The following AASDHPPT variants were observed in gnomAD, a reference collection of about 807,000 sequenced individuals.
AASDHPPT encodes aminoadipate-semialdehyde dehydrogenase-phosphopantetheinyl transferase, also known as L-aminoadipate-semialdehyde dehydrogenase-phosphopantetheinyl transferase.
In AASDHPPT, 23 loss-of-function variants were observed where a neutral mutation model predicts 36.4. That is an observed-to-expected ratio of 0.63 (90% CI 0.45 to 0.89). AASDHPPT has a LOEUF of 0.89. Among genes scored for constraint, AASDHPPT ranks in the 40% least tolerant of loss-of-function variants. The pLI, the probability that AASDHPPT is intolerant of heterozygous loss-of-function variation, is 0.00. For synonymous variants in AASDHPPT, 115 were observed against 128.0 expected (o/e 0.90, Z 0.68); for missense variants, 377 against 378.2 (o/e 1.00, Z 0.03).
intron 1 of AASDHPPT, among the ~76,000 whole-genome samples, chr11:106,078,442 A>C (rs1402161452): frequency 6.6e-6 from 1 of 152,214 alleles, no homozygotes; most frequent in Non-Finnish European, 1.5e-5. Flanking sequence ...GCCATGGGAA[A>C]CAGTATTTTA....
chr11:106,083,229 A>G (rs2135037788), intron 2 of AASDHPPT, among the ~76,000 whole-genome samples: 1 of 152,280 alleles, frequency 6.6e-6, no homozygotes, highest in East Asian at 1.9e-4. Context: ...GTATTTATTG[A>G]GCAATTCCTA....
chr11:106,082,577 C>A (rs1461310137), intron 2 of AASDHPPT, among the ~76,000 whole-genome samples: 1 of 152,082 alleles, frequency 6.6e-6, no homozygotes, highest in Non-Finnish European at 1.5e-5. Context: ...AGGTAAGAAT[C>A]CACTAGGAAC....
chr11:106,094,228 G>T (rs1248159350), intron 4 of AASDHPPT: 1 of 163,610 alleles, frequency 6.1e-6, no homozygotes, highest in Non-Finnish European at 1.3e-5. Flanking sequence ...TCCTGTTCTG[G>T]AGGAGGGATA....
chr11:106,091,528 A>G (rs1861257248), intron 4 of AASDHPPT, 51 bp downstream of exon 4: 2 of 1,499,412 alleles, frequency 1.3e-6, no homozygotes, highest in Non-Finnish European at 1.8e-6. Context: ...TTTTTTATGC[A>G]TGTATGTGTG....
chr11:106,094,370 C>A (rs1861290751), intron 4 of AASDHPPT: 2 of 367,814 alleles, frequency 5.4e-6, no homozygotes, highest in East Asian at 4.3e-5. Flanking sequence ...CTAGGAAATA[C>A]ATGTTGAAGT....
At chr11:106,087,644 C>T (rs971019126) in intron 2 of AASDHPPT, among the ~76,000 whole-genome samples, 3 of 151,962 alleles carry the variant, frequency 2.0e-5, no homozygotes, top group Admixed American at 6.6e-5. Context: ...GATTTTTTTC[C>T]GTAGGCCTGA....
Position 106,079,482 on chromosome 11 carries a change from A to G in AASDHPPT, c.199A>G (p.Ile67Val). 2.5e-6 allele frequency: 4 copies of G among 1,609,920 alleles called. No individual in the cohort carries two copies. Among genetic ancestry groups the G allele is most frequent in the Non-Finnish European group, 3.4e-6 (4 of 1,177,550 alleles). The change falls in exon 2 of 6, where the codon ATA becomes GTA. Residue 67 changes from isoleucine to valine, a missense_variant. By Grantham distance (29) the Ile-to-Val change is conservative (BLOSUM62 3). Transcript: ENST00000278618. The stretch of plus-strand genomic sequence containing the variant: ...TACTTAACAGGCTGGTCGTCTGATG[A>G]TAAGGAAATTAGTTGCAGAGAAATT... The part of the protein sequence containing the change: ...AKAAMAGRLM[I>V]RKLVAEKLNI...
At chr11:106,086,740 C>T (rs1259764670) in intron 2 of AASDHPPT, among the ~76,000 whole-genome samples, 1 of 152,090 alleles carries the variant, frequency 6.6e-6, no homozygotes, top group Non-Finnish European at 1.5e-5. Context: ...CTTCTTGGGG[C>T]AAAATTCCTC....
intron 4 of AASDHPPT, chr11:106,092,664 G>GT (rs1861267052): frequency 6.6e-6 from 1 of 152,060 alleles, no homozygotes. Context: ...ATGGTCCCCA[G>GT]TTTATGATGG....
At chr11:106,093,292 C>A (rs535961979) in intron 4 of AASDHPPT, 1 of 152,242 alleles carries the variant, frequency 6.6e-6, no homozygotes, top group African/African-American at 2.4e-5. Flanking sequence ...TGTACATACA[C>A]CTCTCATTAT....
chr11:106,078,047 T>A (rs1861083191), intron 1 of AASDHPPT, among the ~76,000 whole-genome samples, 154 bp downstream of exon 1: 1 of 151,940 alleles, frequency 6.6e-6, no homozygotes, highest in South Asian at 2.1e-4. Flanking sequence ...CGCTGCGGAG[T>A]TGTGGGCGAC....
chr11:106,091,329 G>A lies in AASDHPPT; in HGVS notation c.545G>A (p.Ser182Asn). 6.3e-7 allele frequency: 1 copy of A among 1,593,236 alleles called. No homozygotes were observed. Among genetic ancestry groups the A allele is most frequent in the Non-Finnish European group, 8.5e-7 (1 of 1,174,240 alleles). The change falls in exon 4 of 6, where the codon AGC becomes AAC. Residue 182 changes from serine (S) to asparagine (N), a missense_variant. Physicochemically the swap from Ser to Asn is conservative, Grantham distance 46 (BLOSUM62 1). Transcript: ENST00000278618. ...TCTGTATCTTAGGCACTTAAGGAAA[G>A]CTTCATAAAAGCCATTGGTGTTGGA... ...MFYRNWALKE[S>N]FIKAIGVGLG...
At chr11:106,087,053 A>G (rs1013165488) in intron 2 of AASDHPPT, among the ~76,000 whole-genome samples, 5 of 152,278 alleles carry the variant, frequency 3.3e-5, no homozygotes, top group African/African-American at 1.2e-4. Context: ...GTTAATACCT[A>G]TATGTGTTGG....
Position 106,098,651 on chromosome 11 carries a change from T to C in AASDHPPT, c.*1744T>C, listed in dbSNP as rs951637344. On this transcript the variant is annotated 3_prime_UTR_variant, in exon 6 of 6. Transcript: ENST00000278618. ...AGTGTAATGGTGATATGAAAAACTT[T>C]GTCTTGTCATTATAATAATAAAAAA... 10 of 152,056 alleles carry C rather than the reference T, an allele frequency of 6.6e-5. No individual in the cohort carries two copies. The highest frequency in any genetic ancestry group is 2.4e-4 in the African/African-American group (10 of 41,422). 9.4% of individuals were successfully genotyped at this position (152,056 alleles called of 1,614,324 possible). A position where few individuals can be genotyped will look rare whatever the true frequency, so the allele number is the denominator to read the frequency against.
chr11:106,088,605 G>A (rs1349694226), intron 2 of AASDHPPT, among the ~76,000 whole-genome samples: 1 of 152,010 alleles, frequency 6.6e-6, no homozygotes, highest in Non-Finnish European at 1.5e-5. Context: ...GAAGCTTTCT[G>A]TCTTTACTTT....
chr11:106,085,575 A>G (rs1861189625), intron 2 of AASDHPPT, among the ~76,000 whole-genome samples: 1 of 152,224 alleles, frequency 6.6e-6, no homozygotes, highest in South Asian at 2.1e-4. Context: ...GACAAAGGTT[A>G]ATGTTGTTAA....
intron 4 of AASDHPPT, chr11:106,091,725 T>G (rs1197003439): frequency 3.1e-6 from 1 of 321,762 alleles, no homozygotes; most frequent in Admixed American, 5.0e-5. Context: ...GAGCTTTGCA[T>G]GTATGAACAG....
In AASDHPPT at chr11:106,077,922, G is replaced by A. The variant is rs1861078835; in HGVS notation, c.183+29G>A. The A allele has an allele frequency of 2.5e-6, 4 of 1,605,406 alleles. No homozygotes were observed. The Admixed American group carries it at 5.0e-5, about 20-fold the overall frequency. On this transcript the variant is annotated intron_variant, in intron 1 of 5. Transcript: ENST00000278618. ...CTACAGGTCTTTTTTGGTATTTAGA[G>A]CCTAGGAAGCAGATCTTGGGGGAGG...
In AASDHPPT at chr11:106,089,736, A is replaced by G. The variant is rs936356121; in HGVS notation, c.410-821A>G. Reference sequence around the variant, plus strand: ...ATTTTAATGTTTTGGAAAATTCAGTACCAGAGGCCTACCATGAATTTTAAC... The same window carrying G: ...ATTTTAATGTTTTGGAAAATTCAGTGCCAGAGGCCTACCATGAATTTTAAC... On this transcript the variant is annotated intron_variant, in intron 2 of 5. Transcript: ENST00000278618. Among the ~76,000 whole-genome samples, 7 of 152,112 alleles carry G rather than the reference A, an allele frequency of 4.6e-5. No homozygotes were observed. In the East Asian group the frequency reaches 1.3e-3, roughly 29 times the overall value.
Sources: gnomAD v4.1 joint callset for allele counts (sites outside exome capture counted in the v4.1 genomes callset) on GRCh38, gnomAD v4.1.1 for gene constraint, MANE v1.5 for transcripts, NCBI Gene and HGNC (gene_info 2026-07-23, HGNC 2026-07-21) for gene names.